The following TLE2 variants were observed in gnomAD, a reference collection of about 807,000 sequenced individuals.
The protein encoded by TLE2 is TLE family member 2, transcriptional corepressor.
Under a neutral mutation model 97.2 loss-of-function variants are expected in TLE2, and 74 were observed. The ratio of observed to expected loss-of-function variants is 0.76; its 90% CI spans 0.63 to 0.92. The LOEUF (loss-of-function observed/expected upper bound fraction) is 0.92. Among genes scored for constraint, TLE2 ranks in the 40% least tolerant of loss-of-function variants. The pLI is 0.00. For synonymous variants in TLE2, 499 were observed against 432.1 expected (o/e 1.15, Z -1.92); for missense variants, 1,038 against 1,008.7 (o/e 1.03, Z -0.39).
chr19:3,011,853 CA>C (rs2089604712), intron 11 of TLE2, among the ~76,000 whole-genome samples: 1 of 150,882 alleles, frequency 6.6e-6, no homozygotes, highest in South Asian at 2.1e-4. Flanking sequence ...TCTACAAAAA[CA>C]AAAAACAAAA....
intron 1 of TLE2, among the ~76,000 whole-genome samples, chr19:3,040,498 G>A (rs1173377812): frequency 6.6e-6 from 1 of 151,790 alleles, no homozygotes; most frequent in East Asian, 1.9e-4. Context: ...ACACCACCAT[G>A]CCCGGCTCAT....
At chr19:3,005,638 C>T (rs2089457649) in intron 16 of TLE2, 54 bp from the exon 17 acceptor site, 1 of 1,608,570 alleles carries the variant, frequency 6.2e-7, no homozygotes, top group African/African-American at 1.3e-5. Flanking sequence ...GCCCCAGCAT[C>T]GTCCCAGGTC....
In TLE2 at chr19:3,039,387, C is replaced by A. The variant is rs139149249; in HGVS notation, c.63+6339G>T. ...CCTCTCACCTCCTCCCACTTCTCCC[C>A]CTCTGTTCCAGCCACACAGGCCTTC... On this transcript the variant is annotated intron_variant, in intron 1 of 18. Coordinates refer to the TLE2 transcript ENST00000426948. Among the ~76,000 whole-genome samples the A allele has an allele frequency of 1.5e-3, 221 of 152,258 alleles. 2 individuals are homozygous for A. Among genetic ancestry groups the A allele is most frequent in the East Asian group, 0.011 (58 of 5,186 alleles).
intron 19 of TLE2, 94 bp downstream of exon 19, chr19:3,000,553 C>G: frequency 4.2e-6 from 5 of 1,182,178 alleles, no homozygotes; most frequent in Non-Finnish European, 6.0e-6. Flanking sequence ...GCGGGGGGAC[C>G]TGGGGGACAG....
intron 1 of TLE2, among the ~76,000 whole-genome samples, chr19:3,039,168 C>T (rs181676713): frequency 5.6e-4 from 84 of 150,878 alleles, no homozygotes; most frequent in Middle Eastern, 3.4e-3. Flanking sequence ...GAGCTGAGAC[C>T]GTGCCATTGC....
intron 5 of TLE2, among the ~76,000 whole-genome samples, chr19:3,022,173 C>T (rs529790511): frequency 9.2e-5 from 14 of 151,996 alleles, no homozygotes; most frequent in South Asian, 6.2e-4. Context: ...CTCAGCCTCC[C>T]GAGTAGCTGG....
chr19:3,029,556 A>AGC (rs1195402874), upstream of TLE2: 1 of 261,626 alleles, frequency 3.8e-6, no homozygotes, highest in East Asian at 2.9e-4. Context: ...CCACCGTGGG[A>AGC]GCGGGGGGGG....
intron 8 of TLE2, among the ~76,000 whole-genome samples, chr19:3,017,243 T>C (rs1458542359): frequency 6.8e-6 from 1 of 146,994 alleles, no homozygotes; most frequent in Non-Finnish European, 1.5e-5. Context: ...GTCCAAGTGA[T>C]TCTCCTGCCT....
At chr19:3,001,488 G>A (rs2089357646) in intron 18 of TLE2, among the ~76,000 whole-genome samples, 1 of 151,840 alleles carries the variant, frequency 6.6e-6, no homozygotes, top group Admixed American at 6.6e-5. Flanking sequence ...ACTAATGAAT[G>A]ATTTTTTTTT....
At chr19:3,009,771 A>C in intron 12 of TLE2, 69 bp from the exon 13 acceptor site, 2 of 1,526,798 alleles carry the variant, frequency 1.3e-6, no homozygotes, top group South Asian at 2.5e-5. Flanking sequence ...CTGCCTTGGG[A>C]GCTCCCTGGC....
At chr19:3,025,687 C>G (rs1045943930) in intron 4 of TLE2, 16 of 797,410 alleles carry the variant, frequency 2.0e-5, no homozygotes, top group East Asian at 1.3e-4. Flanking sequence ...GGGAAGGGGG[C>G]GGGCATACAA....
rs1268919461 is a variant in TLE2, at chr19:3,035,880, G to A, written c.64-7077C>T. On this transcript the variant is annotated intron_variant, in intron 1 of 18. Coordinates refer to the TLE2 transcript ENST00000426948. ...TGGACGCCCGAGCTCGACCGGATTG[G>A]AGGAGGGGGGGCTAAGGCTCCATTA... Among the ~76,000 whole-genome samples, 3 of 147,948 alleles carry A rather than the reference G, an allele frequency of 2.0e-5. No individual in the cohort carries two copies. In the Admixed American group the frequency reaches 2.1e-4, roughly 10 times the overall value.
chr19:3,029,029 G>C lies in TLE2; in HGVS notation c.-125C>G. 3 of 1,492,562 alleles carry C rather than the reference G, an allele frequency of 2.0e-6. No homozygotes were observed. In the South Asian group the frequency reaches 4.0e-5, roughly 20 times the overall value. The allele number at this position is 1,492,562 out of a possible 1,614,324, so 92.5% of individuals were successfully genotyped here. A position where few individuals can be genotyped will look rare whatever the true frequency, so the allele number is the denominator to read the frequency against. ...GAAGAAAGAGGGAGGAGGGAGAAGCGGCGCGGGGCAAGGGACCCTGGAGTC... is the reference window on the plus strand; with the variant it reads ...GAAGAAAGAGGGAGGAGGGAGAAGCCGCGCGGGGCAAGGGACCCTGGAGTC... On this transcript the variant is annotated 5_prime_UTR_variant, in exon 1 of 20. Coordinates refer to ENST00000262953, the MANE Select transcript of TLE2 (RefSeq NM_003260.5).
chr19:3,025,308 A>G, intron 4 of TLE2: 1 of 1,280,796 alleles, frequency 7.8e-7, no homozygotes, highest in East Asian at 3.0e-5. Context: ...TGGAGCTGGG[A>G]AGACCAGGGC....
intron 17 of TLE2, among the ~76,000 whole-genome samples, chr19:3,005,108 G>A (rs1022471028): frequency 6.6e-6 from 1 of 152,000 alleles, no homozygotes; most frequent in East Asian, 1.9e-4. Context: ...TCTCGGCGGC[G>A]TCCAGAGATT....
intron 5 of TLE2, among the ~76,000 whole-genome samples, chr19:3,022,704 G>C (rs1284495472): frequency 6.6e-6 from 1 of 152,110 alleles, no homozygotes; most frequent in African/African-American, 2.4e-5. Flanking sequence ...CCTGAAGACA[G>C]ACATCTGGGC....
At chr19:3,015,909 T>C (rs2089693087) in intron 8 of TLE2, 149 bp from the exon 9 acceptor site, 1 of 706,308 alleles carries the variant, frequency 1.4e-6, no homozygotes, top group Non-Finnish European at 2.6e-6. Context: ...TTCCAACGGC[T>C]GACTCAGTGC....
At chr19:3,034,682 C>T (rs2090049601) in intron 1 of TLE2, among the ~76,000 whole-genome samples, 1 of 150,468 alleles carries the variant, frequency 6.6e-6, no homozygotes, top group African/African-American at 2.5e-5. Flanking sequence ...TCTCCATACG[C>T]GCGTACACAC....
intron 1 of TLE2, among the ~76,000 whole-genome samples, chr19:3,041,643 T>C (rs2090104219): frequency 6.6e-6 from 1 of 152,126 alleles, no homozygotes; most frequent in African/African-American, 2.4e-5. Context: ...TCTGCAATGG[T>C]CTTGACCTAT....
Sources: gnomAD v4.1 joint callset for allele counts (sites outside exome capture counted in the v4.1 genomes callset) on GRCh38, gnomAD v4.1.1 for gene constraint, MANE v1.5 for transcripts, NCBI Gene and HGNC (gene_info 2026-07-23, HGNC 2026-07-21) for gene names.